SNAP91: variants seen among roughly 807,000 people sequenced by gnomAD.
SNAP91 encodes clathrin coat assembly protein AP180.
A neutral mutation model predicts 100.3 loss-of-function variants in SNAP91; 27 were observed. That is an observed-to-expected ratio of 0.27 (90% CI 0.20 to 0.37). The LOEUF is 0.37. Ranked by LOEUF, SNAP91 falls within the 10% of genes least tolerant of loss-of-function variation. The pLI, the probability that SNAP91 is intolerant of heterozygous loss-of-function variation, is 1.00. For synonymous variants in SNAP91, 404 were observed against 398.6 expected, an observed-to-expected ratio of 1.01 and a Z score of -0.16; for missense variants, 986 against 1,123.7, an observed-to-expected ratio of 0.88 and a Z score of 1.75.
chr6:83,625,825 TTGTC>T (rs2096907788), intron 8 of SNAP91, among the ~76,000 whole-genome samples: 1 of 152,132 alleles, frequency 6.6e-6, no homozygotes, highest in African/African-American at 2.4e-5. Flanking sequence ...ATTCTGTAGG[TTGTC>T]TGTTTACTCT....
chr6:83,701,812 C>A (rs1562743774), intron 2 of SNAP91, among the ~76,000 whole-genome samples: 1 of 152,210 alleles, frequency 6.6e-6, no homozygotes, highest in Non-Finnish European at 1.5e-5. Context: ...TCTGTCTGTA[C>A]ACAAGGAAGA....
intron 12 of SNAP91, 79 bp downstream of exon 12, chr6:83,610,571 C>T: frequency 6.1e-6 from 3 of 493,454 alleles, no homozygotes; most frequent in Non-Finnish European, 7.4e-6. Context: ...GTATATAATG[C>T]CACTGAACTG....
intron 7 of SNAP91, among the ~76,000 whole-genome samples, chr6:83,644,495 A>C (rs1168246604): frequency 2.6e-5 from 4 of 152,194 alleles, no homozygotes; most frequent in Non-Finnish European, 5.9e-5. Context: ...TTTCACAGTA[A>C]AGGTAACATA....
intron 8 of SNAP91, among the ~76,000 whole-genome samples, chr6:83,639,481 T>C (rs2097587651): frequency 6.6e-6 from 1 of 152,194 alleles, no homozygotes; most frequent in Non-Finnish European, 1.5e-5. Context: ...TTAATCATAA[T>C]GTTCAAATAA....
chr6:83,703,934 T>C (rs2099349294), intron 2 of SNAP91, among the ~76,000 whole-genome samples: 1 of 152,200 alleles, frequency 6.6e-6, no homozygotes, highest in South Asian at 2.1e-4. Flanking sequence ...TAAGCACTAT[T>C]AACTGAAATG....
At chr6:83,670,399 T>C (rs184538546) in intron 2 of SNAP91, among the ~76,000 whole-genome samples, 7 of 152,018 alleles carry the variant, frequency 4.6e-5, no homozygotes, top group Admixed American at 2.0e-4. Flanking sequence ...CCTATTTTTA[T>C]TGGATTATTT....
chr6:83,585,485 C>T (rs548522106), intron 22 of SNAP91, among the ~76,000 whole-genome samples: 1 of 150,840 alleles, frequency 6.6e-6, no homozygotes, highest in Non-Finnish European at 1.5e-5. Flanking sequence ...GCTATGTTCA[C>T]ACCAATGCCC....
chr6:83,597,647 A>C (rs748593883), intron 16 of SNAP91, among the ~76,000 whole-genome samples: 1 of 152,116 alleles, frequency 6.6e-6, no homozygotes, highest in Non-Finnish European at 1.5e-5. Context: ...TTTTCCTCTC[A>C]AACTTTTTAT....
rs925328866 is a variant in SNAP91 at position 83,553,352 on chromosome 6, A to G, written c.*944T>C. 2.0e-5 allele frequency: 3 copies of G among 152,274 alleles called. No homozygotes were observed. Among genetic ancestry groups the G allele is most frequent in the Non-Finnish European group, 4.4e-5 (3 of 68,030 alleles). 9.4% of individuals were successfully genotyped at this position (152,274 alleles called of 1,614,324 possible). On this transcript the variant is annotated 3_prime_UTR_variant, in exon 30 of 30. Transcript: ENST00000369694. ...ATGGAAGAACACTAGTCTACAAAACACACAAAGAAACACTAAATTAACAGA... is the reference window on the plus strand; with the variant it reads ...ATGGAAGAACACTAGTCTACAAAACGCACAAAGAAACACTAAATTAACAGA...
At chr6:83,614,755 T>C in intron 11 of SNAP91, 102 bp downstream of exon 11, 2 of 828,924 alleles carry the variant, frequency 2.4e-6, no homozygotes, top group Non-Finnish European at 3.7e-6. Flanking sequence ...GGGACAGAAA[T>C]CAGTTTTAAA....
chr6:83,701,975 A>G (rs1255113862), intron 2 of SNAP91, among the ~76,000 whole-genome samples: 6 of 152,214 alleles, frequency 3.9e-5, no homozygotes, highest in Non-Finnish European at 8.8e-5. Context: ...TGTGCAATTG[A>G]CACAGGGTAT....
intron 2 of SNAP91, among the ~76,000 whole-genome samples, chr6:83,707,513 T>TTG (rs755321805): frequency 3.4e-5 from 5 of 146,064 alleles, no homozygotes; most frequent in Non-Finnish European, 5.9e-5. Context: ...AATCTCTCTC[T>TTG]TGTGTGTGTG....
At chr6:83,647,173 T>C (rs1220392168) in intron 7 of SNAP91, among the ~76,000 whole-genome samples, 1 of 152,022 alleles carries the variant, frequency 6.6e-6, no homozygotes, top group Non-Finnish European at 1.5e-5. Flanking sequence ...CAAATCTGTA[T>C]ACCTTTCATC....
At chr6:83,591,171 C>T (rs2093692996) in intron 22 of SNAP91, 40 bp downstream of exon 22, 2 of 1,270,916 alleles carry the variant, frequency 1.6e-6, no homozygotes, top group South Asian at 2.5e-5. Context: ...AAAATATATC[C>T]AAATTTAACT....
chr6:83,598,542 A>G (rs2094774327), intron 16 of SNAP91, among the ~76,000 whole-genome samples: 1 of 152,222 alleles, frequency 6.6e-6, no homozygotes, highest in African/African-American at 2.4e-5. Context: ...ATTAAAATCC[A>G]TTAAGCTTTA....
chr6:83,624,848 T>C (rs1459050958), intron 8 of SNAP91, among the ~76,000 whole-genome samples: 1 of 152,152 alleles, frequency 6.6e-6, no homozygotes, highest in African/African-American at 2.4e-5. Flanking sequence ...TTCCAGACTT[T>C]ACTTTTTCTG....
chr6:83,593,371 G>A, intron 18 of SNAP91, 107 bp downstream of exon 18: 1 of 1,512,828 alleles, frequency 6.6e-7, no homozygotes, highest in African/African-American at 1.4e-5. Context: ...AGCAGCAAAT[G>A]GTTTCTAGAG....
At chr6:83,595,855 G>A (rs1017751945) in intron 16 of SNAP91, among the ~76,000 whole-genome samples, 1 of 152,194 alleles carries the variant, frequency 6.6e-6, no homozygotes, top group Non-Finnish European at 1.5e-5. Context: ...CCCAAACTGA[G>A]TATGAAACAC....
In SNAP91 at chr6:83,575,137, C is replaced by T. The variant is rs1375668725; in HGVS notation, c.2331-16G>A. On this transcript the variant is annotated splice_polypyrimidine_tract_variant and intron_variant, in intron 25 of 29. Coordinates refer to ENST00000369694, the MANE Select transcript of SNAP91 (RefSeq NM_001242792.2). ...AAGATCTCCCCTAAAATTAACCATG[C>T]AAAACAAGCAAACAAACAAAAAATC... The T allele has an allele frequency of 1.3e-6, 2 of 1,529,674 alleles. No homozygotes were observed. The highest frequency in any genetic ancestry group is 2.3e-5 in the East Asian group (1 of 43,956). 94.8% of individuals were successfully genotyped at this position (1,529,674 alleles called of 1,614,324 possible).
Sources: allele counts gnomAD v4.1 joint callset (sites outside exome capture counted in the v4.1 genomes callset), GRCh38; gene constraint gnomAD v4.1.1; transcripts MANE v1.5; gene names NCBI Gene and HGNC (gene_info 2026-07-23, HGNC 2026-07-21).